The following ZNF444 variants were observed in gnomAD, a reference collection of about 807,000 sequenced individuals.
ZNF444 encodes endothelial zinc finger protein 2.
A neutral mutation model predicts 14.4 loss-of-function variants in ZNF444; 8 were observed. The observed-to-expected ratio is 0.56, with a 90% CI of 0.33 to 1.00. ZNF444 has a LOEUF of 1.00. ZNF444 is among the 50% of genes least tolerant of loss of function. ZNF444 has a pLI of 0.03. For synonymous variants in ZNF444, 258 were observed against 235.9 expected, an observed-to-expected ratio of 1.09 and a Z score of -0.86; for missense variants, 510 against 504.8, an observed-to-expected ratio of 1.01 and a Z score of -0.10.
rs1038321725 is a variant in ZNF444, at chr19:56,159,468, G to A, written c.407-156G>A. On this transcript the variant is annotated intron_variant, in intron 4 of 4. Coordinates refer to ENST00000337080, the MANE Select transcript of ZNF444 (RefSeq NM_018337.4). ...TGTATGCCAGGCACTACTAGGTACC[G>A]GGACACAGGTATGAATAAGAAGCCC... 5.9e-5 allele frequency among the ~76,000 whole-genome samples: 9 copies of A among 152,068 alleles called. 1 individual carries two copies. Among genetic ancestry groups the A allele is most frequent in the Admixed American group, 1.3e-4 (2 of 15,272 alleles).
chr19:56,159,203 C>T (rs981555274), intron 4 of ZNF444, among the ~76,000 whole-genome samples: 4 of 151,836 alleles, frequency 2.6e-5, no homozygotes, highest in African/African-American at 9.7e-5. Context: ...TCATCATCTA[C>T]CCATCCATCA....
intron 3 of ZNF444, chr19:56,154,154 A>G (rs1568559802): frequency 2.6e-5 from 4 of 152,204 alleles, no homozygotes; most frequent in Non-Finnish European, 4.4e-5. Flanking sequence ...AATCACCAAC[A>G]TATGCTCATG....
chr19:56,154,815 C>T (rs1215518591), intron 3 of ZNF444: 2 of 152,160 alleles, frequency 1.3e-5, no homozygotes. Context: ...GTGGACAGGC[C>T]TATGCACTGG....
At chr19:56,159,585 T>TCGTGC (rs774918730) in intron 4 of ZNF444, 39 bp from the exon 5 acceptor site, 1 of 1,415,998 alleles carries the variant, frequency 7.1e-7, no homozygotes, top group Non-Finnish European at 9.2e-7. Context: ...TGCCCCGCCC[T>TCGTGC]CGTGCCGACC....
upstream of ZNF444, among the ~76,000 whole-genome samples, chr19:56,136,340 C>T (rs1181785540): frequency 2.6e-5 from 4 of 152,134 alleles, no homozygotes; most frequent in Non-Finnish European, 4.4e-5. Flanking sequence ...TGTCCACCCT[C>T]GGATCCTTTG....
intron 4 of ZNF444, among the ~76,000 whole-genome samples, chr19:56,159,080 A>G (rs1247532351): frequency 1.4e-5 from 2 of 147,226 alleles, no homozygotes; most frequent in East Asian, 2.0e-4. Flanking sequence ...CCATCCACCC[A>G]TCATCCACCC....
At chr19:56,157,695 G>A (rs28658119) in intron 3 of ZNF444, 5,449 of 152,310 alleles carry the variant, frequency 0.036, 106 homozygotes, top group African/African-American at 0.045. Context: ...GAGCCACCTC[G>A]CCTGGCCTAG....
chr19:56,136,127 A>ATTGGGCCC (rs2030605892), intron 1 of ZNF444, among the ~76,000 whole-genome samples: 1 of 145,464 alleles, frequency 6.9e-6, no homozygotes, highest in African/African-American at 2.5e-5. Context: ...CCCGCTCCTT[A>ATTGGGCCC]TTGGGCCCTT....
chr19:56,153,117 C>T (rs533138401), intron 3 of ZNF444, among the ~76,000 whole-genome samples: 12 of 152,154 alleles, frequency 7.9e-5, no homozygotes, highest in Admixed American at 3.9e-4. Context: ...AGAGAGAGCC[C>T]GTCATCCAGG....
Position 56,147,348 on chromosome 19 carries a change from T to G in ZNF444, c.297+140T>G, listed in dbSNP as rs1600018890. 9.7e-7 allele frequency: 1 copy of G among 1,026,940 alleles called. No individual in the cohort carries two copies. Among genetic ancestry groups the G allele is most frequent in the Non-Finnish European group, 1.3e-6 (1 of 758,992 alleles). 63.6% of individuals were successfully genotyped at this position (1,026,940 alleles called of 1,614,324 possible). A position where few individuals can be genotyped will look rare whatever the true frequency, so the allele number is the denominator to read the frequency against. On this transcript the variant is annotated intron_variant, in intron 3 of 4. Coordinates refer to ENST00000337080, the MANE Select transcript of ZNF444 (RefSeq NM_018337.4). The surrounding 1 kb of genome is among the most constrained non-coding windows in gnomAD (Gnocchi z 5.9). The stretch of plus-strand genomic sequence containing the variant: ...GGGGAGGCTGCGGTACAGGCTGCGG[T>G]ACAGCGTGGAGGGACAGTCCACGTG...
chr19:56,159,721 C>T lies in ZNF444; in HGVS notation c.504C>T (p.Gly168=), dbSNP rs1255350182. The change falls in exon 5 of 5, where the codon GGC becomes GGT. Residue 168 remains glycine, a synonymous_variant. Coordinates refer to ENST00000337080, the MANE Select transcript of ZNF444 (RefSeq NM_018337.4). ...QEPSSPPLAP[G]LPAFLAAPGT... ...CCAGCAGCCCCCCGCTGGCGCCTGG[C>T]CTGCCCGCCTTCCTAGCGGCCCCGG... 8 of 1,565,742 alleles carry T rather than the reference C, an allele frequency of 5.1e-6. No homozygotes were observed. Among genetic ancestry groups the T allele is most frequent in the Non-Finnish European group, 6.9e-6 (8 of 1,160,368 alleles).
chr19:56,137,882 G>A (rs910667203), upstream of ZNF444, among the ~76,000 whole-genome samples: 3 of 152,144 alleles, frequency 2.0e-5, no homozygotes, highest in Non-Finnish European at 4.4e-5. Flanking sequence ...AGCACTTTGG[G>A]AGGCCGAGGC....
chr19:56,160,427 C>T lies in ZNF444; in HGVS notation c.*226C>T, dbSNP rs1424456774. 6.3e-6 allele frequency: 3 copies of T among 478,820 alleles called. No individual in the cohort carries two copies. The highest frequency in any genetic ancestry group is 6.2e-5 in the African/African-American group (3 of 48,474). The allele number at this position is 478,820 out of a possible 1,614,324, so 29.7% of individuals were successfully genotyped here. ...GTCTCACCTCAGCCCCCCCCTTCTC[C>T]CTGATTTCTCGGCCTCTCTCTCTGT... On this transcript the variant is annotated 3_prime_UTR_variant, in exon 5 of 5. Coordinates refer to ENST00000337080, the MANE Select transcript of ZNF444 (RefSeq NM_018337.4).
At chr19:56,135,453 TG>T (rs1444740548) in intron 1 of ZNF444, among the ~76,000 whole-genome samples, 9 of 151,916 alleles carry the variant, frequency 5.9e-5, no homozygotes, top group African/African-American at 2.2e-4. Flanking sequence ...CAGCCACGGT[TG>T]GTTAAAATTC....
chr19:56,153,565 C>T (rs909192856), intron 3 of ZNF444, among the ~76,000 whole-genome samples: 14 of 152,220 alleles, frequency 9.2e-5, no homozygotes, highest in Non-Finnish European at 2.1e-4. Flanking sequence ...TTCCTCACTT[C>T]TGTGGAGAGA....
intron 3 of ZNF444, 56 bp from the exon 4 acceptor site, chr19:56,158,438 G>C: frequency 1.3e-5 from 19 of 1,488,870 alleles, no homozygotes; most frequent in Non-Finnish European, 1.6e-5. Flanking sequence ...TTGGGAGAGG[G>C]AGAAATAGAG....
At chr19:56,141,217 C>T (rs1463775852), upstream of ZNF444, 1 of 137,334 alleles carries the variant, frequency 7.3e-6, no homozygotes, top group Non-Finnish European at 1.5e-5. Context: ...TTGGGCTGAA[C>T]GAGCGGCTCG....
rs557481583 is a variant in ZNF444, at chr19:56,147,978, C to T, written c.297+770C>T. Reference sequence around the variant, plus strand: ...GCCACCGTGATGACCACAGAGGGCCCGAGGAGCTGGAAGTGTTGACTGCCT... The same window carrying T: ...GCCACCGTGATGACCACAGAGGGCCTGAGGAGCTGGAAGTGTTGACTGCCT... On this transcript the variant is annotated intron_variant, in intron 3 of 4. Coordinates refer to ENST00000337080, the MANE Select transcript of ZNF444 (RefSeq NM_018337.4). The surrounding 1 kb of genome is among the most constrained non-coding windows in gnomAD (Gnocchi z 5.9). Among the ~76,000 whole-genome samples the T allele has an allele frequency of 9.0e-4, 137 of 152,314 alleles. No homozygotes were observed. The South Asian group carries it at 0.012, about 13-fold the overall frequency.
chr19:56,132,926 TC>T (rs2030514937), intron 1 of ZNF444: 4 of 80,702 alleles, frequency 5.0e-5, no homozygotes, highest in Non-Finnish European at 1.1e-4. Context: ...TTTCTTTCTT[TC>T]TTTCTTTCTT....
Sources: allele counts gnomAD v4.1 joint callset (sites outside exome capture counted in the v4.1 genomes callset), GRCh38; gene constraint gnomAD v4.1.1; non-coding constraint Gnocchi (gnomAD v3.1); transcripts MANE v1.5; gene names NCBI Gene and HGNC (gene_info 2026-07-23, HGNC 2026-07-21).